The following RUNX1 variants were observed in gnomAD, a reference collection of about 807,000 sequenced individuals.
The protein encoded by RUNX1 is runt-related transcription factor 1.
A neutral mutation model predicts 42.8 loss-of-function variants in RUNX1; 19 were observed. The observed-to-expected ratio is 0.44, with a 90% confidence interval of 0.31 to 0.65. RUNX1 has a LOEUF of 0.65. RUNX1 is among the 30% of genes least tolerant of loss of function. The pLI, the probability that RUNX1 is intolerant of heterozygous loss-of-function variation, is 0.07. For missense variants in RUNX1, 528 were observed against 672.0 expected (o/e 0.79, Z 2.37); for synonymous variants, 271 against 289.4 (o/e 0.94, Z 0.64).
At chr21:34,823,445 T>TG in intron 7 of RUNX1, among the ~76,000 whole-genome samples, 1 of 143,262 alleles carries the variant, frequency 7.0e-6, no homozygotes, top group Non-Finnish European at 1.5e-5. Context: ...TTTTTTTTTT[T>TG]TTTTTTTTTT....
At chr21:35,022,156 A>C (rs2059202910) in intron 2 of RUNX1, among the ~76,000 whole-genome samples, 1 of 152,164 alleles carries the variant, frequency 6.6e-6, no homozygotes, top group Admixed American at 6.5e-5. Flanking sequence ...AATAGTCTTG[A>C]AGGAGCTGAT....
At chr21:34,921,936 C>T (rs1569105875) in intron 2 of RUNX1, among the ~76,000 whole-genome samples, 1 of 152,084 alleles carries the variant, frequency 6.6e-6, no homozygotes, top group Non-Finnish European at 1.5e-5. Context: ...ACCAGGCCTA[C>T]ATAATTGATT....
At chr21:34,890,952 G>T (rs1353918467) in intron 3 of RUNX1, among the ~76,000 whole-genome samples, 1 of 152,126 alleles carries the variant, frequency 6.6e-6, no homozygotes, top group Non-Finnish European at 1.5e-5. Context: ...TGCATCCCCC[G>T]GAACCCCCGA....
chr21:35,040,579 C>G (rs1472216431), intron 2 of RUNX1, among the ~76,000 whole-genome samples: 1 of 151,750 alleles, frequency 6.6e-6, no homozygotes, highest in Non-Finnish European at 1.5e-5. Flanking sequence ...CGAAACCATC[C>G]TGGCCAACAT....
At chr21:34,799,704 A>G (rs1056928971) in intron 7 of RUNX1, among the ~76,000 whole-genome samples, 3 of 152,152 alleles carry the variant, frequency 2.0e-5, no homozygotes, top group Non-Finnish European at 2.9e-5. Context: ...GTTTTATTTA[A>G]TCATGCTAAC....
At chr21:34,951,378 T>C (rs929527312) in intron 2 of RUNX1, among the ~76,000 whole-genome samples, 29 of 152,346 alleles carry the variant, frequency 1.9e-4, no homozygotes, top group African/African-American at 7.0e-4. Flanking sequence ...TAGATCCCAT[T>C]TGTCAATTTT....
intron 2 of RUNX1, among the ~76,000 whole-genome samples, chr21:34,923,887 C>CTTCTTATATT (rs2058372905): frequency 8.8e-6 from 1 of 113,198 alleles, no homozygotes; most frequent in Non-Finnish European, 1.8e-5. Flanking sequence ...AGCCATGTCT[C>CTTCTTATATT]TCGCGTTAAA....
At chr21:34,838,324 A>C (rs1182298823) in intron 6 of RUNX1, among the ~76,000 whole-genome samples, 1 of 152,158 alleles carries the variant, frequency 6.6e-6, no homozygotes. Flanking sequence ...AGAATAAAGA[A>C]TTTTCTGGCA....
chr21:35,047,561 A>T (rs3989161), intron 2 of RUNX1, among the ~76,000 whole-genome samples: 12,175 of 45,582 alleles, frequency 0.27, 1,804 homozygotes, highest in Middle Eastern at 0.31. Context: ...ACACACACAC[A>T]CTCTCTCTCT....
chr21:35,046,973 G>T (rs1389121823), intron 2 of RUNX1, among the ~76,000 whole-genome samples: 1 of 152,062 alleles, frequency 6.6e-6, no homozygotes, highest in Non-Finnish European at 1.5e-5. Flanking sequence ...GGGCACAGGA[G>T]CCCTGGGCTT....
chr21:35,010,530 C>A (rs1175521457), intron 2 of RUNX1, among the ~76,000 whole-genome samples: 1 of 152,024 alleles, frequency 6.6e-6, no homozygotes, highest in African/African-American at 2.4e-5. Context: ...TGTGATGCTA[C>A]TTGGTAGAGA....
At chr21:34,823,208 G>C (rs1360889114) in intron 7 of RUNX1, among the ~76,000 whole-genome samples, 2 of 152,232 alleles carry the variant, frequency 1.3e-5, no homozygotes, top group Non-Finnish European at 2.9e-5. Context: ...TTGACTCACA[G>C]ATCTTCCCTA....
chr21:34,979,177 T>C (rs940900115), intron 2 of RUNX1, among the ~76,000 whole-genome samples: 1 of 152,196 alleles, frequency 6.6e-6, no homozygotes, highest in African/African-American at 2.4e-5. Context: ...GGTTCTGGAA[T>C]AGCATCTGTG....
chr21:34,828,878 T>C (rs372624963), intron 7 of RUNX1, among the ~76,000 whole-genome samples: 2 of 152,230 alleles, frequency 1.3e-5, no homozygotes, highest in Non-Finnish European at 2.9e-5. Context: ...CCGAATAAAC[T>C]TTTCTTTATA....
intron 5 of RUNX1, among the ~76,000 whole-genome samples, chr21:34,865,335 G>A (rs1423646681): frequency 6.7e-6 from 1 of 149,678 alleles, no homozygotes. Context: ...TTCAGCAGGT[G>A]ATGGGGCTGC....
chr21:34,956,648 C>T (rs2058646314), intron 2 of RUNX1, among the ~76,000 whole-genome samples: 1 of 152,140 alleles, frequency 6.6e-6, no homozygotes, highest in African/African-American at 2.4e-5. Flanking sequence ...TGTTTTTGTG[C>T]TCTTGGGCAT....
At chr21:34,953,811 G>A (rs1446172059) in intron 2 of RUNX1, among the ~76,000 whole-genome samples, 1 of 152,124 alleles carries the variant, frequency 6.6e-6, no homozygotes, top group African/African-American at 2.4e-5. Context: ...TAAACTCAGT[G>A]GGGAGCATTC....
intron 2 of RUNX1, among the ~76,000 whole-genome samples, chr21:35,022,283 GAT>G (rs1263350299): frequency 2.0e-5 from 3 of 152,208 alleles, no homozygotes; most frequent in African/African-American, 7.2e-5. Flanking sequence ...CATGTTGAGA[GAT>G]AGGCTGGGTG....
intron 2 of RUNX1, among the ~76,000 whole-genome samples, chr21:35,006,091 C>T (rs2146893022): frequency 6.6e-6 from 1 of 152,254 alleles, no homozygotes; most frequent in Middle Eastern, 3.4e-3. Flanking sequence ...ACAAGGCAGA[C>T]AAAAAGTCTC....
Sources: allele counts gnomAD v4.1 joint callset (sites outside exome capture counted in the v4.1 genomes callset), GRCh38; gene constraint gnomAD v4.1.1; transcripts MANE v1.5; gene names NCBI Gene and HGNC (gene_info 2026-07-23, HGNC 2026-07-21).